Variants in RSU1 observed in about 807,000 individuals in gnomAD.
The protein encoded by RSU1 is rsu-1.
In RSU1, 26 loss-of-function variants were observed where a neutral mutation model predicts 31.1. The observed-to-expected ratio is 0.84, with a 90% confidence interval of 0.61 to 1.16. The LOEUF (loss-of-function observed/expected upper bound fraction) is 1.16. Ranked by LOEUF, RSU1 falls within the 50% of genes most tolerant of loss-of-function variation. The pLI is 0.00. For synonymous variants in RSU1, 164 were observed against 136.3 expected, an observed-to-expected ratio of 1.20 and a Z score of -1.41; for missense variants, 320 against 339.1, an observed-to-expected ratio of 0.94 and a Z score of 0.44.
intron 7 of RSU1, among the ~76,000 whole-genome samples, chr10:16,741,561 CA>C (rs1375663419): frequency 6.6e-6 from 1 of 151,950 alleles, no homozygotes; most frequent in East Asian, 1.9e-4. Context: ...AAGGAGAGAG[CA>C]AAGATCATGA....
chr10:16,748,815 AG>A (rs1172598350), intron 7 of RSU1, among the ~76,000 whole-genome samples: 1 of 150,020 alleles, frequency 6.7e-6, no homozygotes, highest in East Asian at 2.0e-4. Flanking sequence ...CCTATGAGTG[AG>A]GGTTTCTCTG....
chr10:16,813,462 G>A (rs1218876737), intron 2 of RSU1, among the ~76,000 whole-genome samples: 4 of 152,156 alleles, frequency 2.6e-5, no homozygotes, highest in African/African-American at 7.2e-5. Flanking sequence ...TGGGTCTATA[G>A]CTGGATATTC....
intron 8 of RSU1, among the ~76,000 whole-genome samples, chr10:16,629,930 T>C (rs1834220653): frequency 6.6e-6 from 1 of 152,188 alleles, no homozygotes; most frequent in Admixed American, 6.5e-5. Context: ...TTTTATACTG[T>C]TATAACAGCC....
chr10:16,752,193 A>G (rs1326645278), intron 7 of RSU1, among the ~76,000 whole-genome samples: 3 of 152,230 alleles, frequency 2.0e-5, no homozygotes, highest in Non-Finnish European at 4.4e-5. Flanking sequence ...ATAACCAACC[A>G]AGACCCAGAA....
intron 8 of RSU1, among the ~76,000 whole-genome samples, chr10:16,603,944 T>A (rs183258608): frequency 6.6e-4 from 101 of 152,326 alleles, no homozygotes; most frequent in African/African-American, 2.3e-3. Context: ...TCAAAACCAC[T>A]ACTATGAAAA....
At chr10:16,677,952 C>CGAT (rs1835263823) in intron 8 of RSU1, among the ~76,000 whole-genome samples, 2 of 151,622 alleles carry the variant, frequency 1.3e-5, no homozygotes, top group East Asian at 1.9e-4. Flanking sequence ...GAAACACACA[C>CGAT]GTCATCTTAG....
At chr10:16,615,737 A>C (rs1457719177) in intron 8 of RSU1, among the ~76,000 whole-genome samples, 2 of 152,232 alleles carry the variant, frequency 1.3e-5, no homozygotes, top group Non-Finnish European at 2.9e-5. Flanking sequence ...TCAAAACTGC[A>C]CAACTACATG....
chr10:16,702,679 A>C (rs1806621299), intron 7 of RSU1, among the ~76,000 whole-genome samples: 2 of 152,204 alleles, frequency 1.3e-5, no homozygotes, highest in South Asian at 4.1e-4. Context: ...TCTATCTTGA[A>C]AGTAACAAAC....
chr10:16,814,656 C>T (rs918164075), intron 2 of RSU1, among the ~76,000 whole-genome samples: 17 of 152,110 alleles, frequency 1.1e-4, no homozygotes, highest in Non-Finnish European at 2.4e-4. Flanking sequence ...AGAGAGCAGC[C>T]TTGGCTCAAT....
chr10:16,803,628 T>C (rs1011602893), intron 2 of RSU1, among the ~76,000 whole-genome samples: 5 of 152,088 alleles, frequency 3.3e-5, no homozygotes, highest in Non-Finnish European at 7.4e-5. Flanking sequence ...GGTGAAACAA[T>C]AGACAAGTAG....
intron 8 of RSU1, among the ~76,000 whole-genome samples, chr10:16,640,599 A>G (rs1310440483): frequency 6.6e-6 from 1 of 152,196 alleles, no homozygotes; most frequent in Admixed American, 6.5e-5. Context: ...GACTACTCCA[A>G]GCATAGTCAA....
chr10:16,599,152 C>G (rs1022536854), intron 8 of RSU1, among the ~76,000 whole-genome samples: 3 of 152,174 alleles, frequency 2.0e-5, no homozygotes, highest in African/African-American at 7.2e-5. Context: ...CTACAGAGGA[C>G]AGAACAGTCA....
chr10:16,788,998 C>G lies in RSU1; in HGVS notation c.110-6914G>C, dbSNP rs531853926. 7.4e-4 allele frequency among the ~76,000 whole-genome samples: 112 copies of G among 152,264 alleles called. 1 individual carries two copies. Among genetic ancestry groups the G allele is most frequent in the Middle Eastern group, 3.4e-3 (1 of 294 alleles). ...GTCAAAAGAAAACTGAAGGTACTCC[C>G]ATCTTCCCTTAATTTCTCCGAAAAT... On this transcript the variant is annotated intron_variant, in intron 2 of 8. Transcript: ENST00000345264.
Position 16,591,796 on chromosome 10 carries a change from A to G in RSU1, c.*1598T>C, listed in dbSNP as rs1390104724. 6.6e-6 allele frequency: 1 copy of G among 152,188 alleles called. No individual in the cohort carries two copies. Among genetic ancestry groups the G allele is most frequent in the African/African-American group, 2.4e-5 (1 of 41,446 alleles). The allele number at this position is 152,188 out of a possible 1,614,324, so 9.4% of individuals were successfully genotyped here. On this transcript the variant is annotated 3_prime_UTR_variant, in exon 9 of 9. Transcript: ENST00000345264. ...TTTAGGTTAAGTCTTTCCTATCCAC[A>G]ACAGCAAAGGCCTTGTTCTCCCTCG...
chr10:16,603,726 G>C (rs138206570), intron 8 of RSU1, among the ~76,000 whole-genome samples: 8 of 152,178 alleles, frequency 5.3e-5, no homozygotes, highest in Non-Finnish European at 1.0e-4. Context: ...TTACTTCCCT[G>C]ATAGACTTCA....
chr10:16,781,973 CA>C, intron 3 of RSU1, 60 bp downstream of exon 3: 1 of 1,371,374 alleles, frequency 7.3e-7, no homozygotes, highest in Non-Finnish European at 1.0e-6. Flanking sequence ...GTAACAGACT[CA>C]GCAGTGCCAT....
Position 16,802,607 on chromosome 10 carries a change from C to A in RSU1, c.109+14366G>T, listed in dbSNP as rs190109008. 3.0e-3 allele frequency among the ~76,000 whole-genome samples: 462 copies of A among 152,238 alleles called. 4 individuals carry two copies. The highest frequency in any genetic ancestry group is 0.011 in the African/African-American group (439 of 41,562). On this transcript the variant is annotated intron_variant, in intron 2 of 8. Coordinates refer to ENST00000345264, the MANE Select transcript of RSU1 (RefSeq NM_012425.4). ...CATTACAAAAAGGAGAAACTACAGA[C>A]CAATCTCTCTCATGGACATAGATAC...
At chr10:16,701,648 A>G (rs1425196344) in intron 7 of RSU1, among the ~76,000 whole-genome samples, 2 of 152,234 alleles carry the variant, frequency 1.3e-5, no homozygotes, top group Non-Finnish European at 2.9e-5. Context: ...AGATTTAAAA[A>G]GAGAAAACCA....
At chr10:16,771,446 G>C (rs900489032) in intron 3 of RSU1, among the ~76,000 whole-genome samples, 7 of 152,184 alleles carry the variant, frequency 4.6e-5, no homozygotes, top group African/African-American at 1.7e-4. Context: ...TGGAGAACAT[G>C]AGTCCATTCA....
Sources: allele counts gnomAD v4.1 joint callset (sites outside exome capture counted in the v4.1 genomes callset), GRCh38; gene constraint gnomAD v4.1.1; transcripts MANE v1.5; gene names NCBI Gene and HGNC (gene_info 2026-07-23, HGNC 2026-07-21).